The following GUCY2C variants were observed in gnomAD, a reference collection of about 807,000 sequenced individuals.
The protein encoded by GUCY2C is guanylyl cyclase C.
GUCY2C carries 118 observed loss-of-function variants against 131.1 expected under a neutral mutation model. That is an observed-to-expected ratio of 0.90 (90% CI 0.78 to 1.05). GUCY2C has a LOEUF of 1.05. GUCY2C is among the 50% of genes least tolerant of loss of function. The pLI is 0.00. For missense variants in GUCY2C, 1,161 were observed against 1,304.4 expected, an observed-to-expected ratio of 0.89 and a Z score of 1.69; for synonymous variants, 452 against 457.8, an observed-to-expected ratio of 0.99 and a Z score of 0.16.
chr12:14,691,497 G>A (rs940534170), intron 1 of GUCY2C, among the ~76,000 whole-genome samples: 3 of 152,190 alleles, frequency 2.0e-5, no homozygotes, highest in African/African-American at 7.2e-5. Context: ...GTGAGGAACT[G>A]TAGAAAATAG....
At chr12:14,650,924 T>A (rs375553979) in intron 15 of GUCY2C, among the ~76,000 whole-genome samples, 5 of 152,176 alleles carry the variant, frequency 3.3e-5, no homozygotes, top group African/African-American at 1.2e-4. Flanking sequence ...CTTGCTTTTT[T>A]TCTTAGTTCC....
At chr12:14,654,116 A>G (rs1947717366) in intron 12 of GUCY2C, among the ~76,000 whole-genome samples, 1 of 152,224 alleles carries the variant, frequency 6.6e-6, no homozygotes, top group Non-Finnish European at 1.5e-5. Context: ...TTACCCTCAA[A>G]TGAATGATCA....
intron 19 of GUCY2C, among the ~76,000 whole-genome samples, chr12:14,629,516 G>A (rs1374609483): frequency 9.9e-5 from 15 of 152,066 alleles, no homozygotes; most frequent in African/African-American, 3.6e-4. Flanking sequence ...ATATAGCTTC[G>A]AAGGTATATA....
chr12:14,668,241 G>A lies in GUCY2C; in HGVS notation c.1282+1481C>T, dbSNP rs11056090. Among the ~76,000 whole-genome samples the A allele has an allele frequency of 9.9e-4, 150 of 152,154 alleles. 2 individuals carry two copies. In the East Asian group the frequency reaches 0.015, roughly 15 times the overall value. On this transcript the variant is annotated intron_variant, in intron 10 of 26. Coordinates refer to ENST00000261170, the MANE Select transcript of GUCY2C (RefSeq NM_004963.4). ...GCTGGAGTGCAGTGGCGTGATCTTG[G>A]CTTACAACAACCTCTGCCTCCTGGG...
At position 14,633,355 on chromosome 12, in the gene GUCY2C, A is replaced by T. The variant is rs548629480; in HGVS notation, c.2158-4618T>A. The stretch of plus-strand genomic sequence containing the variant: ...AGAGACTACACTACTGCATGCACCC[A>T]GAATCAAAGCCAAAGTGCCTCACCC... On this transcript the variant is annotated intron_variant, in intron 19 of 26. Transcript: ENST00000261170. Among the ~76,000 whole-genome samples the T allele has an allele frequency of 7.0e-4, 107 of 152,324 alleles. 1 individual carries two copies. The highest frequency in any genetic ancestry group is 4.1e-3 in the South Asian group (20 of 4,832).
intron 3 of GUCY2C, among the ~76,000 whole-genome samples, chr12:14,684,211 T>C (rs1390590091): frequency 6.6e-6 from 1 of 152,148 alleles, no homozygotes; most frequent in Non-Finnish European, 1.5e-5. Context: ...CCCATGAACT[T>C]CCAAATATGG....
At position 14,679,728 on chromosome 12, in the gene GUCY2C, C is replaced by T. The variant is rs577832869; in HGVS notation, c.759G>A (p.Glu253=). 1.9e-6 allele frequency: 3 copies of T among 1,586,520 alleles called. No homozygotes were observed. The African/African-American group carries it at 4.0e-5, about 21-fold the overall frequency. ...SNVIIMCGGP[E]FLYKLKGDRA... is the part of the protein sequence containing the mutation. ...GGTCACCCTTCAGCTTGTAGAGGAA[C>T]TCTGGACCACCACACATAATAATCA... Residue 253 remains glutamate (E), a synonymous_variant, in exon 6 of 27, where the codon GAG becomes GAA. Transcript: ENST00000261170.
intron 24 of GUCY2C, 78 bp from the exon 25 acceptor site, chr12:14,616,805 A>G: frequency 1.2e-6 from 1 of 800,636 alleles, no homozygotes; most frequent in South Asian, 1.3e-5. Flanking sequence ...GGATATCAAC[A>G]ACACCTGAGA....
intron 10 of GUCY2C, among the ~76,000 whole-genome samples, chr12:14,669,232 A>T (rs1277672879): frequency 7.1e-6 from 1 of 141,130 alleles, no homozygotes; most frequent in Admixed American, 7.5e-5. Context: ...TTGAGACAGG[A>T]TCTCACTCTG....
At chr12:14,664,280 C>A (rs1297620887) in intron 10 of GUCY2C, among the ~76,000 whole-genome samples, 1 of 152,118 alleles carries the variant, frequency 6.6e-6, no homozygotes, top group Non-Finnish European at 1.5e-5. Flanking sequence ...ATTGCCACTC[C>A]CACCATTCTC....
At chr12:14,652,298 C>T (rs1947678365) in intron 13 of GUCY2C, among the ~76,000 whole-genome samples, 2 of 152,092 alleles carry the variant, frequency 1.3e-5, no homozygotes, top group South Asian at 4.1e-4. Flanking sequence ...CCTCAGCCTC[C>T]CCAGTAGCTG....
At chr12:14,616,991 CAG>C (rs1431180549) in intron 24 of GUCY2C, among the ~76,000 whole-genome samples, 3 of 152,174 alleles carry the variant, frequency 2.0e-5, no homozygotes, top group African/African-American at 4.8e-5. Context: ...GTCTGGGTCA[CAG>C]GGGTGGATCC....
intron 15 of GUCY2C, among the ~76,000 whole-genome samples, chr12:14,647,303 G>T (rs567063391): frequency 6.6e-6 from 1 of 151,984 alleles, no homozygotes; most frequent in South Asian, 2.1e-4. Flanking sequence ...AACTGTTTTA[G>T]TTATTATTGC....
chr12:14,648,871 G>A (rs575923245), intron 15 of GUCY2C, among the ~76,000 whole-genome samples: 1 of 152,284 alleles, frequency 6.6e-6, no homozygotes, highest in South Asian at 2.1e-4. Flanking sequence ...GAAGTCAGTT[G>A]TTATTTTATG....
intron 1 of GUCY2C, among the ~76,000 whole-genome samples, chr12:14,693,134 C>T (rs1252704525): frequency 6.6e-6 from 1 of 152,142 alleles, no homozygotes; most frequent in East Asian, 1.9e-4. Flanking sequence ...TTCCTACCGG[C>T]ACTCTCTACC....
At chr12:14,686,325 T>A in intron 2 of GUCY2C, 100 bp from the exon 3 acceptor site, 2 of 826,546 alleles carry the variant, frequency 2.4e-6, no homozygotes, top group Non-Finnish European at 4.0e-6. Context: ...GTTTAGAAAG[T>A]TGGGCCTCCC....
Position 14,622,121 on chromosome 12 carries a change from C to T in GUCY2C, c.2485G>A (p.Asp829Asn). 2 of 1,606,100 alleles carry T rather than the reference C, an allele frequency of 1.2e-6. No individual in the cohort carries two copies. Among genetic ancestry groups the T allele is most frequent in the Non-Finnish European group, 1.7e-6 (2 of 1,175,874 alleles). Residue 829 changes from aspartate (D) to asparagine (N), a missense_variant, in exon 22 of 27, where the codon GAC (aspartate) becomes AAC (asparagine). Transcript: ENST00000261170. ...LYEEVTIYFS[D>N]IVGFTTICKY... Reference sequence around the variant, plus strand: ...CAGATAGTAGTGAAACCTACAATGTCACTGAAGTAGATTGTAACTTCCTCA... The same window carrying T: ...CAGATAGTAGTGAAACCTACAATGTTACTGAAGTAGATTGTAACTTCCTCA...
rs764787473 is a variant in GUCY2C, at chr12:14,683,179, G to A, written c.474C>T (p.Thr158=). The change falls in exon 4 of 27, where the codon ACC becomes ACT. Residue 158 remains threonine, a synonymous_variant. Transcript: ENST00000261170. ...ACTTTCTAGCTGGAGACATCAGCCTGGTTAAGGTTTCTTTATAGTCACATG... is the reference window on the plus strand; with the variant it reads ...ACTTTCTAGCTGGAGACATCAGCCTAGTTAAGGTTTCTTTATAGTCACATG... ...GLSCDYKETL[T]RLMSPARKLM... is the part of the protein sequence containing the mutation. The A allele has an allele frequency of 6.2e-7, 1 of 1,613,334 alleles. No individual in the cohort carries two copies. The highest frequency in any genetic ancestry group is 1.1e-5 in the South Asian group (1 of 91,068).
chr12:14,636,177 A>G (rs180920653), intron 19 of GUCY2C, among the ~76,000 whole-genome samples: 1 of 152,316 alleles, frequency 6.6e-6, no homozygotes, highest in Non-Finnish European at 1.5e-5. Context: ...AATATCCCTG[A>G]GGAACATAGA....
Sources: allele counts gnomAD v4.1 joint callset (sites outside exome capture counted in the v4.1 genomes callset), GRCh38; gene constraint gnomAD v4.1.1; transcripts MANE v1.5; gene names NCBI Gene and HGNC (gene_info 2026-07-23, HGNC 2026-07-21).